PPP1R7: variants seen among roughly 807,000 people sequenced by gnomAD.
PPP1R7 encodes the protein protein phosphatase 1 regulatory subunit 22.
Under a neutral mutation model 45.2 loss-of-function variants are expected in PPP1R7, and 18 were observed. That is an observed-to-expected ratio of 0.40 (90% CI 0.28 to 0.59). The LOEUF (loss-of-function observed/expected upper bound fraction) is 0.59, where lower values mean the gene tolerates loss of function less well. Among genes scored for constraint, PPP1R7 ranks in the 20% least tolerant of loss-of-function variants. The pLI is 0.46. For synonymous variants in PPP1R7, 181 were observed against 183.4 expected, an observed-to-expected ratio of 0.99 and a Z score of 0.11; for missense variants, 314 against 455.8, an observed-to-expected ratio of 0.69 and a Z score of 2.83.
chr2:241,172,552 G>A (rs2067834551), intron 9 of PPP1R7, among the ~76,000 whole-genome samples: 2 of 151,074 alleles, frequency 1.3e-5, no homozygotes, highest in Admixed American at 6.6e-5. Flanking sequence ...GCTAAGGCAC[G>A]ACAATCACTT....
At chr2:241,166,984 T>C in intron 8 of PPP1R7, 1 of 1,488,422 alleles carries the variant, frequency 6.7e-7, no homozygotes, top group Non-Finnish European at 9.3e-7. Context: ...CCCTGCCTGC[T>C]TTCCACACCT....
At chr2:241,154,866 A>C (rs535977914) in intron 2 of PPP1R7, among the ~76,000 whole-genome samples, 1 of 152,252 alleles carries the variant, frequency 6.6e-6, no homozygotes, top group Non-Finnish European at 1.5e-5. Context: ...ATAATCATGC[A>C]TCCCTTATGA....
At chr2:241,166,478 G>A (rs757668917) in intron 8 of PPP1R7, 37 bp downstream of exon 8, 23 of 1,589,940 alleles carry the variant, frequency 1.4e-5, no homozygotes, top group Non-Finnish European at 1.8e-5. Context: ...CTGTGTGGGC[G>A]GTGGGCACCA....
At chr2:241,156,270 G>C (rs529029529) in intron 2 of PPP1R7, among the ~76,000 whole-genome samples, 1 of 152,226 alleles carries the variant, frequency 6.6e-6, no homozygotes, top group Non-Finnish European at 1.5e-5. Flanking sequence ...ACAGGAGAAA[G>C]AACATCCTAT....
intron 8 of PPP1R7, among the ~76,000 whole-genome samples, chr2:241,167,630 A>T (rs529812632): frequency 6.6e-6 from 1 of 152,350 alleles, no homozygotes; most frequent in East Asian, 1.9e-4. Flanking sequence ...AGCACAGTTC[A>T]CATAAGCAGC....
At position 241,182,716 on chromosome 2, in the gene PPP1R7, G is replaced by T. The variant is rs376231788; in HGVS notation, c.976G>T (p.Val326Leu). The part of the protein sequence containing the change: ...ELKGARSLET[V>L]YLERNPLQKD... ...GAAGGGAGCCAGGAGCCTGGAGACA[G>T]TGTACCTGGAGCGGAACCCCTTGCA... Residue 326 changes from valine (V) to leucine (L), a missense_variant, in exon 10 of 10, where the codon GTG (valine) becomes TTG (leucine). Transcript: ENST00000234038. 6 of 1,614,096 alleles carry T rather than the reference G, an allele frequency of 3.7e-6. No individual in the cohort carries two copies. Among genetic ancestry groups the T allele is most frequent in the Non-Finnish European group, 5.1e-6 (6 of 1,180,050 alleles).
chr2:241,154,848 G>T (rs867902677), intron 2 of PPP1R7, among the ~76,000 whole-genome samples: 1 of 152,212 alleles, frequency 6.6e-6, no homozygotes, highest in Non-Finnish European at 1.5e-5. Flanking sequence ...TTTGTATACA[G>T]TGTATGAATA....
chr2:241,157,901 T>C, intron 3 of PPP1R7, 39 bp downstream of exon 3: 1 of 1,575,336 alleles, frequency 6.3e-7, no homozygotes, highest in Non-Finnish European at 8.7e-7. Flanking sequence ...GGCGTGGTGA[T>C]GGACCACCCT....
intron 2 of PPP1R7, chr2:241,155,342 A>G (rs531977128): frequency 6.6e-6 from 1 of 152,342 alleles, no homozygotes; most frequent in South Asian, 2.1e-4. Flanking sequence ...GCACACGGCT[A>G]CAAGGCAGAC....
intron 6 of PPP1R7, among the ~76,000 whole-genome samples, chr2:241,162,513 A>G (rs555132616): frequency 1.6e-4 from 25 of 152,252 alleles, no homozygotes; most frequent in African/African-American, 5.3e-4. Context: ...AGAGGAGCAC[A>G]CGATCACAGC....
upstream of PPP1R7, chr2:241,149,631 A>G (rs900923962): frequency 1.1e-5 from 17 of 1,538,464 alleles, no homozygotes; most frequent in East Asian, 4.9e-5. Context: ...GGCGCTTCGG[A>G]GGAGCCAAAG....
chr2:241,158,711 G>A (rs2067516893), intron 4 of PPP1R7, 162 bp downstream of exon 4: 1 of 670,060 alleles, frequency 1.5e-6, no homozygotes, highest in South Asian at 1.8e-5. Context: ...AGCACAGCAG[G>A]TGTGAGACAG....
At chr2:241,151,142 T>C (rs1408452792) in intron 1 of PPP1R7, among the ~76,000 whole-genome samples, 1 of 152,252 alleles carries the variant, frequency 6.6e-6, no homozygotes, top group Non-Finnish European at 1.5e-5. Flanking sequence ...TATATGTATA[T>C]GTTATACGTA....
intron 7 of PPP1R7, among the ~76,000 whole-genome samples, chr2:241,165,361 T>C (rs988661282): frequency 6.6e-6 from 1 of 150,940 alleles, no homozygotes; most frequent in African/African-American, 2.4e-5. Flanking sequence ...GGAGACAGGT[T>C]TCACCATGTT....
chr2:241,161,863 G>A (rs920077934), intron 6 of PPP1R7, among the ~76,000 whole-genome samples: 26 of 152,240 alleles, frequency 1.7e-4, no homozygotes, highest in African/African-American at 6.0e-4. Flanking sequence ...CTCCTAATCA[G>A]GGTCATGGCA....
chr2:241,163,202 CTCTGCCCCGGTCCAGGCACCTGCTG>C (rs1575392956), intron 6 of PPP1R7, 58 bp from the exon 7 acceptor site: 2 of 833,028 alleles, frequency 2.4e-6, no homozygotes, highest in Non-Finnish European at 4.0e-6. Flanking sequence ...GCCCACATAG[CTCTGCCCCGGTCCAGGCACCTGCTG>C]GCTGCCTGGG....
Position 241,173,875 on chromosome 2 carries a change from G to A in PPP1R7, c.906+4008G>A, listed in dbSNP as rs532086901. Among the ~76,000 whole-genome samples the A allele has an allele frequency of 2.0e-5, 3 of 150,252 alleles. No individual in the cohort carries two copies. The South Asian group carries it at 6.3e-4, about 31-fold the overall frequency. On this transcript the variant is annotated intron_variant, in intron 9 of 9. Transcript: ENST00000234038. ...CCCATGTCATGAATTTTTTATTTCAGATACTGTATTTTTCTCAACTCTAAA... is the reference window on the plus strand; with the variant it reads ...CCCATGTCATGAATTTTTTATTTCAAATACTGTATTTTTCTCAACTCTAAA...
chr2:241,175,787 T>C (rs2067897825), intron 9 of PPP1R7, among the ~76,000 whole-genome samples: 1 of 151,898 alleles, frequency 6.6e-6, no homozygotes, highest in Non-Finnish European at 1.5e-5. Flanking sequence ...TTTTGTTTCG[T>C]TTTTTGTTTT....
At chr2:241,175,468 G>A (rs1352046754) in intron 9 of PPP1R7, among the ~76,000 whole-genome samples, 1 of 152,160 alleles carries the variant, frequency 6.6e-6, no homozygotes, top group Non-Finnish European at 1.5e-5. Flanking sequence ...TCAGCATATT[G>A]ACCTGAAGAT....
Sources: allele counts gnomAD v4.1 joint callset (sites outside exome capture counted in the v4.1 genomes callset), GRCh38; gene constraint gnomAD v4.1.1; transcripts MANE v1.5; gene names NCBI Gene and HGNC (gene_info 2026-07-23, HGNC 2026-07-21).